Variants in FOXN3 observed in about 807,000 individuals in gnomAD.
The protein encoded by FOXN3 is forkhead box protein N3.
In FOXN3, 7 loss-of-function variants were observed where a neutral mutation model predicts 38.4. The ratio of observed to expected loss-of-function variants is 0.18; its 90% confidence interval spans 0.10 to 0.34. The LOEUF (loss-of-function observed/expected upper bound fraction) is 0.34, where lower values mean the gene tolerates loss of function less well. FOXN3 is among the 10% of genes least tolerant of loss of function. The pLI, the probability that FOXN3 is intolerant of heterozygous loss-of-function variation, is 1.00. For missense variants in FOXN3, 456 were observed against 613.4 expected (o/e 0.74, Z 2.71); for synonymous variants, 230 against 242.2 (o/e 0.95, Z 0.47).
intron 4 of FOXN3, among the ~76,000 whole-genome samples, chr14:89,274,983 G>C (rs1690240832): frequency 6.6e-6 from 1 of 152,148 alleles, no homozygotes; most frequent in African/African-American, 2.4e-5. Context: ...TTGCAGTTTT[G>C]TAAAATATTT....
chr14:89,276,763 G>C (rs1886312324), intron 4 of FOXN3, among the ~76,000 whole-genome samples: 1 of 152,214 alleles, frequency 6.6e-6, no homozygotes. Flanking sequence ...GGAAGAGCTA[G>C]AAATAAAAGC....
chr14:89,463,991 C>A (rs187101287), intron 1 of FOXN3, among the ~76,000 whole-genome samples: 1 of 152,152 alleles, frequency 6.6e-6, no homozygotes, highest in African/African-American at 2.4e-5. Context: ...ACCATGTTGG[C>A]CAGGCTGGTC....
chr14:89,447,828 T>TTTTA (rs1892536334), intron 1 of FOXN3, among the ~76,000 whole-genome samples: 1 of 140,768 alleles, frequency 7.1e-6, no homozygotes, highest in African/African-American at 2.7e-5. Flanking sequence ...TTTTTTTTTT[T>TTTTA]TTTTTTTTGA....
chr14:89,179,684 T>C (rs1352092426), intron 5 of FOXN3, among the ~76,000 whole-genome samples: 1 of 151,970 alleles, frequency 6.6e-6, no homozygotes. Context: ...GGTCACTCAT[T>C]GAAGGGCTAA....
chr14:89,359,054 T>A (rs1234617596), intron 2 of FOXN3, among the ~76,000 whole-genome samples: 1 of 152,144 alleles, frequency 6.6e-6, no homozygotes, highest in Non-Finnish European at 1.5e-5. Flanking sequence ...ACACCTATAA[T>A]CCCAGCACTT....
At chr14:89,232,115 T>C (rs1239926664) in intron 4 of FOXN3, among the ~76,000 whole-genome samples, 1 of 152,188 alleles carries the variant, frequency 6.6e-6, no homozygotes, top group African/African-American at 2.4e-5. Flanking sequence ...ATGGCGGATG[T>C]AGAACTCACT....
chr14:89,359,769 C>T (rs2241121), intron 2 of FOXN3, among the ~76,000 whole-genome samples: 27,459 of 152,116 alleles, frequency 0.18, 2,644 homozygotes, highest in South Asian at 0.39. Context: ...AGGCCCTGAC[C>T]CCGATACTGC....
At chr14:89,191,121 T>C (rs999834355) in intron 4 of FOXN3, among the ~76,000 whole-genome samples, 2 of 152,218 alleles carry the variant, frequency 1.3e-5, no homozygotes, top group East Asian at 1.9e-4. Flanking sequence ...TAATTCTTAA[T>C]AGGTTTCTGA....
At chr14:89,383,591 C>T (rs1215544433) in intron 2 of FOXN3, among the ~76,000 whole-genome samples, 8 of 152,190 alleles carry the variant, frequency 5.3e-5, no homozygotes, top group Non-Finnish European at 7.3e-5. Flanking sequence ...TGGCGGCCCC[C>T]GGCCGATCTT....
chr14:89,436,289 T>TAAAAAAAAA (rs77915176), intron 1 of FOXN3, among the ~76,000 whole-genome samples: 1 of 134,836 alleles, frequency 7.4e-6, no homozygotes, highest in Non-Finnish European at 1.6e-5. Context: ...GTTTATTCAT[T>TAAAAAAAAA]AAAAAAAAAA....
chr14:89,200,056 T>C (rs1172254686), intron 4 of FOXN3, among the ~76,000 whole-genome samples: 1 of 152,184 alleles, frequency 6.6e-6, no homozygotes, highest in Non-Finnish European at 1.5e-5. Flanking sequence ...TGGATAATTT[T>C]TAGGGCCAAA....
chr14:89,441,249 T>A (rs12895080), intron 1 of FOXN3, among the ~76,000 whole-genome samples: 68,829 of 151,872 alleles, frequency 0.45, 16,961 homozygotes, highest in Admixed American at 0.61. Flanking sequence ...TAATGCTTTG[T>A]GACTGAAGAA....
intron 4 of FOXN3, among the ~76,000 whole-genome samples, chr14:89,261,916 G>A (rs147311021): frequency 3.9e-5 from 6 of 152,228 alleles, no homozygotes; most frequent in Admixed American, 6.5e-5. Context: ...GCGACAGAGC[G>A]AGACTCCGTC....
chr14:89,460,523 C>T (rs1596282814), intron 1 of FOXN3, among the ~76,000 whole-genome samples: 1 of 152,048 alleles, frequency 6.6e-6, no homozygotes, highest in Non-Finnish European at 1.5e-5. Flanking sequence ...CTCACTCTGC[C>T]GGGGAGGAGG....
At chr14:89,234,273 G>T (rs921820132) in intron 4 of FOXN3, among the ~76,000 whole-genome samples, 1 of 152,192 alleles carries the variant, frequency 6.6e-6, no homozygotes, top group Non-Finnish European at 1.5e-5. Context: ...TAGTTCTGGA[G>T]GCTAGAAGTC....
chr14:89,453,069 C>T (rs1019692424), intron 1 of FOXN3, among the ~76,000 whole-genome samples: 1 of 152,010 alleles, frequency 6.6e-6, no homozygotes, highest in African/African-American at 2.4e-5. Flanking sequence ...CATTGTGGCA[C>T]ATACCTGTAA....
chr14:89,396,873 C>A (rs1256194831), intron 2 of FOXN3, among the ~76,000 whole-genome samples: 3 of 142,346 alleles, frequency 2.1e-5, no homozygotes, highest in Non-Finnish European at 3.0e-5. Flanking sequence ...AAATATGCTG[C>A]AGTAGACTTT....
At chr14:89,566,899 C>T (rs1450009169) in intron 1 of FOXN3, among the ~76,000 whole-genome samples, 1 of 151,882 alleles carries the variant, frequency 6.6e-6, no homozygotes, top group Non-Finnish European at 1.5e-5. Context: ...TCCCCTACCC[C>T]CTCCTTCTCC....
chr14:89,500,880 C>T (rs1044977280), intron 1 of FOXN3, among the ~76,000 whole-genome samples: 2 of 152,188 alleles, frequency 1.3e-5, no homozygotes, highest in Non-Finnish European at 1.5e-5. Context: ...AGGCAGGATT[C>T]GGGAAGGAAA....
Sources: allele counts gnomAD v4.1 joint callset (sites outside exome capture counted in the v4.1 genomes callset), GRCh38; gene constraint gnomAD v4.1.1; transcripts MANE v1.5; gene names NCBI Gene and HGNC (gene_info 2026-07-23, HGNC 2026-07-21).